The following L3MBTL3 variants were observed in gnomAD, a reference collection of about 807,000 sequenced individuals.
L3MBTL3 encodes the protein lethal(3)malignant brain tumor-like protein 3.
In L3MBTL3, 27 loss-of-function variants were observed where a neutral mutation model predicts 102.3. The observed-to-expected ratio is 0.26, with a 90% CI of 0.19 to 0.36. L3MBTL3 has a LOEUF of 0.36. Ranked by LOEUF, L3MBTL3 falls within the 10% of genes least tolerant of loss-of-function variation. The pLI is 1.00. For missense variants in L3MBTL3, 798 were observed against 955.3 expected, an observed-to-expected ratio of 0.84 and a Z score of 2.17; for synonymous variants, 340 against 320.9, an observed-to-expected ratio of 1.06 and a Z score of -0.64.
At chr6:130,112,807 G>A (rs760434182) in intron 19 of L3MBTL3, among the ~76,000 whole-genome samples, 7 of 152,212 alleles carry the variant, frequency 4.6e-5, no homozygotes, top group Non-Finnish European at 8.8e-5. Flanking sequence ...GGAAGTCCCA[G>A]TGCCTCTAGA....
chr6:130,083,688 G>T lies in L3MBTL3; in HGVS notation c.1390G>T (p.Ala464Ser), dbSNP rs1783502456. 1 of 1,539,372 alleles carries T rather than the reference G, an allele frequency of 6.5e-7. No homozygotes were observed. The highest frequency in any genetic ancestry group is 8.8e-7 in the Non-Finnish European group (1 of 1,135,626). Residue 464 changes from alanine (A) to serine (S), a missense_variant, in exon 15 of 23, where the codon GCA becomes TCA. By Grantham distance (99) the Ala-to-Ser change is moderately conservative. This residue lies in a region of L3MBTL3 where 306 missense variants were observed against 314.4 expected (regional missense o/e 0.97). Transcript: ENST00000361794. The part of the protein sequence containing the change: ...LEETNSLPAP[A>S]RAFKVKPPHG... ...AGAAACCAATTCTTTACCTGCTCCT[G>T]CAAGAGCTTTCAAAGTGGTAAGATG...
chr6:130,042,483 T>A (rs903827920), intron 2 of L3MBTL3, among the ~76,000 whole-genome samples: 1 of 152,216 alleles, frequency 6.6e-6, no homozygotes, highest in Non-Finnish European at 1.5e-5. Flanking sequence ...TTTTTATTAA[T>A]ATTTTTTCTC....
intron 7 of L3MBTL3, 113 bp downstream of exon 7, chr6:130,053,104 A>G (rs977227394): frequency 9.1e-6 from 7 of 767,770 alleles, no homozygotes; most frequent in South Asian, 3.5e-5. Flanking sequence ...TTCCAGGACT[A>G]TCTGTGTTAG....
intron 18 of L3MBTL3, among the ~76,000 whole-genome samples, chr6:130,099,513 CAG>C (rs771132998): frequency 2.6e-5 from 4 of 152,084 alleles, no homozygotes; most frequent in Non-Finnish European, 4.4e-5. Context: ...CTGTACATAA[CAG>C]AACAAATATG....
chr6:130,034,467 T>C (rs1483253731), intron 2 of L3MBTL3, among the ~76,000 whole-genome samples: 1 of 152,226 alleles, frequency 6.6e-6, no homozygotes, highest in African/African-American at 2.4e-5. Context: ...TTTCTACTTA[T>C]TTCCTTTTGG....
At chr6:130,075,352 TGG>T (rs1162188407) in intron 13 of L3MBTL3, among the ~76,000 whole-genome samples, 2 of 152,018 alleles carry the variant, frequency 1.3e-5, no homozygotes, top group East Asian at 3.9e-4. Context: ...CAAGAAGGAA[TGG>T]GTACTTAGAG....
chr6:130,108,997 G>A (rs375172072), intron 19 of L3MBTL3, among the ~76,000 whole-genome samples: 1 of 151,992 alleles, frequency 6.6e-6, no homozygotes, highest in African/African-American at 2.4e-5. Flanking sequence ...GAGAATGATG[G>A]CTTCCAGCTT....
At chr6:130,065,005 G>C (rs1008485464) in intron 10 of L3MBTL3, among the ~76,000 whole-genome samples, 2 of 152,126 alleles carry the variant, frequency 1.3e-5, no homozygotes, top group Non-Finnish European at 2.9e-5. Context: ...TGTAGGGAGT[G>C]GGGGTAGCTC....
At chr6:130,109,475 T>A (rs1473269266) in intron 19 of L3MBTL3, among the ~76,000 whole-genome samples, 1 of 152,228 alleles carries the variant, frequency 6.6e-6, no homozygotes, top group African/African-American at 2.4e-5. Context: ...GAGCTTGTTT[T>A]CACATGTTTG....
At position 130,092,880 on chromosome 6, in the gene L3MBTL3, G is replaced by A. The variant is rs776464661; in HGVS notation, c.1633+21G>A. On this transcript the variant is annotated intron_variant, in intron 17 of 22. Coordinates refer to ENST00000361794, the MANE Select transcript of L3MBTL3 (RefSeq NM_032438.4). Reference sequence around the variant, plus strand: ...TTTGAGTAAGAGACACGAATAGCTTGTATAAATGTTTCCATTTCCATATGT... The same window carrying A: ...TTTGAGTAAGAGACACGAATAGCTTATATAAATGTTTCCATTTCCATATGT... The A allele has an allele frequency of 1.2e-5, 16 of 1,387,064 alleles. No individual in the cohort carries two copies. In the African/African-American group the frequency reaches 2.1e-4, roughly 18 times the overall value. The allele number at this position is 1,387,064 out of a possible 1,614,324, so 85.9% of individuals were successfully genotyped here.
At chr6:130,041,041 A>G (rs1358323527) in intron 2 of L3MBTL3, among the ~76,000 whole-genome samples, 1 of 152,240 alleles carries the variant, frequency 6.6e-6, no homozygotes, top group Non-Finnish European at 1.5e-5. Flanking sequence ...TGAAGAAGGC[A>G]AAGAATGTGT....
chr6:130,049,551 C>A, intron 4 of L3MBTL3, 158 bp downstream of exon 4: 1 of 711,974 alleles, frequency 1.4e-6, no homozygotes, highest in Non-Finnish European at 2.3e-6. Context: ...TAGGAGCCAG[C>A]ATTTATGTTT....
intron 2 of L3MBTL3, among the ~76,000 whole-genome samples, chr6:130,038,790 T>C (rs900762368): frequency 2.0e-5 from 3 of 152,124 alleles, no homozygotes; most frequent in Admixed American, 2.0e-4. Flanking sequence ...CCCAGTTGTC[T>C]ATGTTTGCTT....
In L3MBTL3 at chr6:130,133,579, A is replaced by G. The variant is rs952921229; in HGVS notation, c.2094A>G (p.Ala698=). 1 of 1,614,050 alleles carries G rather than the reference A, an allele frequency of 6.2e-7. No individual in the cohort carries two copies. The highest frequency in any genetic ancestry group is 8.5e-7 in the Non-Finnish European group (1 of 1,180,000). ...EQQSKLLPTV[A]GIPASKVSKW... is the part of the protein sequence containing the mutation. The stretch of plus-strand genomic sequence containing the variant: ...AAAGCAAACTTCTTCCAACTGTCGC[A>G]GGAATCCCTGCCAGTAAAGTTTCCA... Residue 698 remains alanine, a synonymous_variant, in exon 21 of 23, where the codon GCA becomes GCG. Coordinates refer to ENST00000361794, the MANE Select transcript of L3MBTL3 (RefSeq NM_032438.4). This position sits in a 1 kb window ranked among gnomAD's most constrained non-coding sequence, Gnocchi z 4.9.
chr6:130,066,008 G>A (rs866192807), intron 10 of L3MBTL3, among the ~76,000 whole-genome samples: 3 of 152,114 alleles, frequency 2.0e-5, no homozygotes, highest in Non-Finnish European at 4.4e-5. Flanking sequence ...AGTGTGCTGT[G>A]CTGGTGTGCC....
chr6:130,030,439 G>A (rs1779641017), intron 2 of L3MBTL3, among the ~76,000 whole-genome samples: 1 of 151,798 alleles, frequency 6.6e-6, no homozygotes, highest in Admixed American at 6.5e-5. Context: ...GAGGTGGGCA[G>A]ATCATGAGGT....
intron 6 of L3MBTL3, among the ~76,000 whole-genome samples, chr6:130,052,654 C>T (rs1323946699): frequency 6.6e-6 from 1 of 152,138 alleles, no homozygotes; most frequent in Admixed American, 6.5e-5. Flanking sequence ...TCATTTTCTG[C>T]CCTGACAGAC....
intron 18 of L3MBTL3, among the ~76,000 whole-genome samples, chr6:130,101,347 A>C (rs1784674381): frequency 6.6e-6 from 1 of 152,214 alleles, no homozygotes; most frequent in Admixed American, 6.5e-5. Flanking sequence ...TTGTGAGGTG[A>C]CACTGAGACA....
chr6:130,119,602 A>G (rs1356434306), intron 19 of L3MBTL3, among the ~76,000 whole-genome samples: 1 of 152,062 alleles, frequency 6.6e-6, no homozygotes, highest in East Asian at 1.9e-4. Context: ...TTGCCATTTA[A>G]TTGATTTCTC....
Sources: gnomAD v4.1 joint callset for allele counts (sites outside exome capture counted in the v4.1 genomes callset) on GRCh38, gnomAD v4.1.1 for gene constraint, gnomAD v4.1.1 regional missense constraint, Gnocchi (gnomAD v3.1) non-coding constraint, MANE v1.5 for transcripts, NCBI Gene and HGNC (gene_info 2026-07-23, HGNC 2026-07-21) for gene names.